CFAP52: variants seen among roughly 807,000 people sequenced by gnomAD.
CFAP52 encodes cilia- and flagella-associated protein 52.
In CFAP52, 57 loss-of-function variants were observed where a neutral mutation model predicts 70.5. That is an observed-to-expected ratio of 0.81 (90% CI 0.65 to 1.01). The LOEUF (loss-of-function observed/expected upper bound fraction) is 1.01, where lower values mean the gene tolerates loss of function less well. Among genes scored for constraint, CFAP52 ranks in the 50% least tolerant of loss-of-function variants. The pLI is 0.00. For missense variants in CFAP52, 785 were observed against 788.5 expected (o/e 1.00, Z 0.05); for synonymous variants, 267 against 292.5 (o/e 0.91, Z 0.89).
chr17:9,631,774 T>C (rs1409268069), intron 9 of CFAP52, among the ~76,000 whole-genome samples: 1 of 151,950 alleles, frequency 6.6e-6, no homozygotes, highest in East Asian at 1.9e-4. Context: ...GGAAAGTTTT[T>C]TTTTTTTTTT....
At chr17:9,639,623 T>C (rs1910967898) in intron 12 of CFAP52, among the ~76,000 whole-genome samples, 1 of 151,928 alleles carries the variant, frequency 6.6e-6, no homozygotes, top group African/African-American at 2.4e-5. Flanking sequence ...AACCAATCCA[T>C]GAATGGACAA....
chr17:9,634,070 C>G (rs1341647278), intron 10 of CFAP52, among the ~76,000 whole-genome samples: 1 of 152,124 alleles, frequency 6.6e-6, no homozygotes, highest in Non-Finnish European at 1.5e-5. Flanking sequence ...TGATCATGCT[C>G]AACTTTTTCT....
intron 4 of CFAP52, among the ~76,000 whole-genome samples, chr17:9,596,722 G>T (rs7222448): frequency 0.23 from 34,126 of 147,304 alleles, 4,244 homozygotes; most frequent in East Asian, 0.44. Context: ...GTGTGTGTGT[G>T]TTTTTTTTTT....
chr17:9,604,301 G>C (rs1035651745), intron 6 of CFAP52, among the ~76,000 whole-genome samples: 3 of 152,136 alleles, frequency 2.0e-5, no homozygotes, highest in African/African-American at 7.2e-5. Flanking sequence ...CAAAAATTCT[G>C]CTCCATGAAA....
At chr17:9,600,345 G>T (rs1021494544) in intron 6 of CFAP52, among the ~76,000 whole-genome samples, 162 bp downstream of exon 6, 32 of 151,916 alleles carry the variant, frequency 2.1e-4, no homozygotes, top group African/African-American at 7.7e-4. Context: ...AGGTTCAAGC[G>T]ATTGTCCCAC....
At chr17:9,603,048 C>G in intron 6 of CFAP52, among the ~76,000 whole-genome samples, 1 of 152,128 alleles carries the variant, frequency 6.6e-6, no homozygotes, top group East Asian at 1.9e-4. Flanking sequence ...CCAAAGAGCT[C>G]CATGTAACAC....
rs553132892 is a variant in CFAP52 at position 9,625,592 on chromosome 17, C to T, written c.1026-3080C>T. Among the ~76,000 whole-genome samples, 6 of 152,248 alleles carry T rather than the reference C, an allele frequency of 3.9e-5. No individual in the cohort carries two copies. The South Asian group carries it at 8.3e-4, about 21-fold the overall frequency. On this transcript the variant is annotated intron_variant, in intron 8 of 13. Transcript: ENST00000352665. ...GATCTCTAGCATTGTTAGCTGGTAA[C>T]GCTATGGTTTTTCTGCCACCTTTTT... is the stretch of plus-strand genomic sequence containing the variant.
rs1348464185 is a variant in CFAP52 at position 9,608,232 on chromosome 17, T to C, written c.854+13T>C. 9 of 1,598,306 alleles carry C rather than the reference T, an allele frequency of 5.6e-6. No individual in the cohort carries two copies. The highest frequency in any genetic ancestry group is 7.7e-6 in the Non-Finnish European group (9 of 1,170,896). ...ACAAACCCATCAAGTAAGTTCCGGG[T>C]CTCACACAGTGGGGCTGGGTAGAGA... On this transcript the variant is annotated intron_variant, in intron 7 of 13. Transcript: ENST00000352665.
chr17:9,588,174 T>A (rs904696342), intron 3 of CFAP52, among the ~76,000 whole-genome samples: 1 of 152,154 alleles, frequency 6.6e-6, no homozygotes, highest in African/African-American at 2.4e-5. Context: ...GGCGTATAAT[T>A]CCACTGTTAA....
chr17:9,577,782 A>G (rs912474793), intron 1 of CFAP52, among the ~76,000 whole-genome samples: 16 of 152,144 alleles, frequency 1.1e-4, no homozygotes, highest in African/African-American at 3.9e-4. Flanking sequence ...GCCAATGTAG[A>G]ACCACACACA....
intron 9 of CFAP52, among the ~76,000 whole-genome samples, chr17:9,631,046 GA>G (rs1567634895): frequency 3.1e-5 from 3 of 97,194 alleles, no homozygotes; most frequent in African/African-American, 1.4e-4. Flanking sequence ...GAGAGAGAGA[GA>G]GAGAGAGAAA....
chr17:9,632,406 A>T (rs1282926790), intron 9 of CFAP52, among the ~76,000 whole-genome samples: 1 of 151,998 alleles, frequency 6.6e-6, no homozygotes, highest in African/African-American at 2.4e-5. Flanking sequence ...TAAATAAAAA[A>T]GGAAGTTCTT....
At chr17:9,584,998 T>C (rs949647741) in intron 1 of CFAP52, among the ~76,000 whole-genome samples, 3 of 152,204 alleles carry the variant, frequency 2.0e-5, no homozygotes, top group Admixed American at 6.5e-5. Flanking sequence ...ACCTGGAGAA[T>C]ATTATGCTTT....
chr17:9,608,051 T>G, intron 6 of CFAP52, 68 bp from the exon 7 acceptor site: 104 of 1,309,240 alleles, frequency 7.9e-5, no homozygotes, highest in Middle Eastern at 2.4e-4. Flanking sequence ...TTTGGTTACA[T>G]GAGTACATTC....
At chr17:9,594,088 C>T in intron 3 of CFAP52, 105 bp from the exon 4 acceptor site, 1 of 1,431,774 alleles carries the variant, frequency 7.0e-7, no homozygotes, top group Non-Finnish European at 9.2e-7. Flanking sequence ...TTTTAAGTAA[C>T]CTGTTGTGTT....
chr17:9,579,255 G>T (rs888331423), intron 1 of CFAP52, among the ~76,000 whole-genome samples: 6 of 152,162 alleles, frequency 3.9e-5, no homozygotes, highest in African/African-American at 1.2e-4. Flanking sequence ...CATAAGGCTC[G>T]GGAGAGAAGA....
chr17:9,631,080 A>AAGAAAGAAAGAAAGAAAGAAAG, intron 9 of CFAP52, among the ~76,000 whole-genome samples: 1 of 68,560 alleles, frequency 1.5e-5, no homozygotes, highest in Admixed American at 1.4e-4. Flanking sequence ...GAAAGAAAGA[A>AAGAAAGAAAGAAAGAAAGAAAG]AGAGAAAGAA....
intron 9 of CFAP52, among the ~76,000 whole-genome samples, chr17:9,631,304 CATAG>C (rs1436268732): frequency 1.3e-5 from 2 of 152,176 alleles, no homozygotes; most frequent in Non-Finnish European, 2.9e-5. Context: ...ACACACTGGG[CATAG>C]ATAGAGCCTT....
chr17:9,629,849 C>A (rs1252463534), intron 9 of CFAP52, among the ~76,000 whole-genome samples: 1 of 152,044 alleles, frequency 6.6e-6, no homozygotes, highest in African/African-American at 2.4e-5. Context: ...CTCGGCCTCC[C>A]AAAGTGATGG....
Sources: allele counts gnomAD v4.1 joint callset (sites outside exome capture counted in the v4.1 genomes callset), GRCh38; gene constraint gnomAD v4.1.1; transcripts MANE v1.5; gene names NCBI Gene and HGNC (gene_info 2026-07-23, HGNC 2026-07-21).